Variants in ZMYM4 observed in about 807,000 individuals in gnomAD.
The protein encoded by ZMYM4 is zinc finger MYM-type containing 4.
A neutral mutation model predicts 183.2 loss-of-function variants in ZMYM4; 31 were observed. The ratio of observed to expected loss-of-function variants is 0.17; its 90% CI spans 0.13 to 0.23. The LOEUF is 0.23. ZMYM4 is among the 10% of genes least tolerant of loss of function. ZMYM4 has a pLI of 1.00. For synonymous variants in ZMYM4, 592 were observed against 631.2 expected (o/e 0.94, Z 0.93); for missense variants, 1,273 against 1,840.3 (o/e 0.69, Z 5.64).
At chr1:35,378,094 C>T (rs1334050278) in intron 7 of ZMYM4, among the ~76,000 whole-genome samples, 1 of 152,194 alleles carries the variant, frequency 6.6e-6, no homozygotes, top group East Asian at 1.9e-4. Context: ...GGAAGCAACT[C>T]CTTATCTGTT....
chr1:35,277,933 A>G (rs1175841120), intron 1 of ZMYM4, among the ~76,000 whole-genome samples: 4 of 152,120 alleles, frequency 2.6e-5, no homozygotes, highest in Non-Finnish European at 4.4e-5. Flanking sequence ...TGTATCTTTG[A>G]TGATTGGCGG....
At chr1:35,281,960 A>G (rs1236637027) in intron 1 of ZMYM4, among the ~76,000 whole-genome samples, 2 of 152,222 alleles carry the variant, frequency 1.3e-5, no homozygotes, top group East Asian at 3.8e-4. Context: ...TTCAAGGTTC[A>G]TCCAGTTATA....
chr1:35,358,692 T>C, intron 2 of ZMYM4: 1 of 427,982 alleles, frequency 2.3e-6, no homozygotes, highest in East Asian at 3.8e-5. Flanking sequence ...CTATATCACG[T>C]AGCTTTCTTT....
chr1:35,328,454 A>ATTTTTTT (rs754078160), intron 2 of ZMYM4, among the ~76,000 whole-genome samples: 4 of 117,082 alleles, frequency 3.4e-5, no homozygotes, highest in South Asian at 2.8e-4. Context: ...TAATTTTTTA[A>ATTTTTTT]TTTTTTTTTT....
At chr1:35,339,526 ATAT>A (rs955277061) in intron 2 of ZMYM4, among the ~76,000 whole-genome samples, 5 of 151,994 alleles carry the variant, frequency 3.3e-5, no homozygotes, top group African/African-American at 1.2e-4. Context: ...TGAGCCCATA[ATAT>A]TAAGTTCTAT....
chr1:35,359,038 C>A lies in ZMYM4; in HGVS notation c.199C>A (p.Leu67Met), dbSNP rs147284119. 3.3e-3 allele frequency: 5,293 copies of A among 1,613,738 alleles called. 11 individuals carry two copies. The highest frequency in any genetic ancestry group is 4.2e-3 in the Non-Finnish European group (4,990 of 1,179,726). ...PNQTGSENSL[L>M]DEDDYFLNSG... The stretch of plus-strand genomic sequence containing the variant: ...TCAAACAGGATCTGAAAATTCATTG[C>A]TGGATGAAGATGATTATTTTTTGAA... Residue 67 changes from leucine (L) to methionine (M), a missense_variant, in exon 3 of 30, where the codon CTG becomes ATG. Physicochemically the swap from Leu to Met is conservative, Grantham distance 15. Coordinates refer to ENST00000314607, the MANE Select transcript of ZMYM4 (RefSeq NM_005095.3).
At chr1:35,408,232 A>G in intron 26 of ZMYM4, 73 bp downstream of exon 26, 9 of 1,558,760 alleles carry the variant, frequency 5.8e-6, no homozygotes, top group Non-Finnish European at 7.9e-6. Context: ...CAGAAATTAC[A>G]TGCACATGTA....
intron 1 of ZMYM4, among the ~76,000 whole-genome samples, chr1:35,302,612 C>G (rs1641342650): frequency 6.6e-6 from 1 of 151,904 alleles, no homozygotes; most frequent in East Asian, 1.9e-4. Flanking sequence ...GTCTCGATCT[C>G]CTGACCTCAT....
chr1:35,416,001 A>T (rs1298574663), intron 28 of ZMYM4, among the ~76,000 whole-genome samples: 2 of 152,216 alleles, frequency 1.3e-5, no homozygotes, highest in African/African-American at 2.4e-5. Flanking sequence ...AAAAAATACA[A>T]ACAGGGTTGA....
intron 3 of ZMYM4, 62 bp from the exon 4 acceptor site, chr1:35,361,132 C>A: frequency 7.0e-7 from 1 of 1,424,652 alleles, no homozygotes; most frequent in Non-Finnish European, 9.6e-7. Flanking sequence ...TTTTAGGTCA[C>A]TCTTTGTAAG....
rs1053022926 is a variant in ZMYM4 at position 35,332,366 on chromosome 1, C to A, written c.85+6961C>A. On this transcript the variant is annotated intron_variant, in intron 2 of 29. Coordinates refer to ENST00000314607, the MANE Select transcript of ZMYM4 (RefSeq NM_005095.3). The stretch of plus-strand genomic sequence containing the variant: ...AACACTTTTATTAAGCTCAAGGATT[C>A]AATGGCTCCGGTGTTCAGAAAGGGT... 3.3e-5 allele frequency among the ~76,000 whole-genome samples: 5 copies of A among 150,200 alleles called. No homozygotes were observed. In the East Asian group the frequency reaches 9.8e-4, roughly 29 times the overall value.
chr1:35,390,946 C>A (rs140333107), intron 15 of ZMYM4, among the ~76,000 whole-genome samples: 1 of 152,222 alleles, frequency 6.6e-6, no homozygotes, highest in East Asian at 1.9e-4. Flanking sequence ...GGTGGGAGGA[C>A]GGCTTGAGGC....
chr1:35,376,447 G>A (rs1644335643), intron 7 of ZMYM4, among the ~76,000 whole-genome samples: 1 of 152,248 alleles, frequency 6.6e-6, no homozygotes, highest in Non-Finnish European at 1.5e-5. Flanking sequence ...TGCATTTCAT[G>A]TTACATGTAG....
At chr1:35,289,712 C>T (rs1640666631) in intron 1 of ZMYM4, among the ~76,000 whole-genome samples, 1 of 152,102 alleles carries the variant, frequency 6.6e-6, no homozygotes, top group Non-Finnish European at 1.5e-5. Flanking sequence ...CCACTATCAA[C>T]TAAGATGTCA....
chr1:35,400,953 T>A (rs1644896680), intron 23 of ZMYM4, among the ~76,000 whole-genome samples: 2 of 152,268 alleles, frequency 1.3e-5, no homozygotes, highest in Admixed American at 1.3e-4. Flanking sequence ...AGTTGATTCC[T>A]TTTTATTTCT....
rs1643470036 is a variant in ZMYM4, at chr1:35,348,213, AT to A, written c.86-10709del. 2.6e-5 allele frequency among the ~76,000 whole-genome samples: 4 copies of A among 152,356 alleles called. No individual in the cohort carries two copies. In the South Asian group the frequency reaches 8.3e-4, roughly 32 times the overall value. ...ATTAAAATTGGTAAAAATCAAACTC[AT>A]TTCTATCAGAAATGTATCAAGTGTA... On this transcript the variant is annotated intron_variant, in intron 2 of 29. Coordinates refer to ENST00000314607, the MANE Select transcript of ZMYM4 (RefSeq NM_005095.3).
At chr1:35,358,805 C>A in intron 2 of ZMYM4, 120 bp from the exon 3 acceptor site, 1 of 806,590 alleles carries the variant, frequency 1.2e-6, no homozygotes, top group Non-Finnish European at 1.9e-6. Context: ...TAAATGAATA[C>A]TATGGTAATA....
At chr1:35,418,309 G>A in intron 28 of ZMYM4, 134 bp from the exon 29 acceptor site, 1 of 905,366 alleles carries the variant, frequency 1.1e-6, no homozygotes, top group South Asian at 1.8e-5. Flanking sequence ...CTCAGTATTT[G>A]TTGAATGAGT....
intron 2 of ZMYM4, among the ~76,000 whole-genome samples, chr1:35,334,751 T>C (rs1473930718): frequency 6.6e-6 from 1 of 152,186 alleles, no homozygotes; most frequent in African/African-American, 2.4e-5. Flanking sequence ...ACTTTGAGAA[T>C]GCATAATGTA....
Sources: allele counts gnomAD v4.1 joint callset (sites outside exome capture counted in the v4.1 genomes callset), GRCh38; gene constraint gnomAD v4.1.1; transcripts MANE v1.5; gene names NCBI Gene and HGNC (gene_info 2026-07-23, HGNC 2026-07-21).